PTPRK: variants seen among roughly 807,000 people sequenced by gnomAD.
The protein encoded by PTPRK is receptor-type tyrosine-protein phosphatase kappa.
PTPRK carries 75 observed loss-of-function variants against 178.0 expected under a neutral mutation model. That is an observed-to-expected ratio of 0.42 (90% CI 0.35 to 0.51). The LOEUF is 0.51. Ranked by LOEUF, PTPRK falls within the 20% of genes least tolerant of loss-of-function variation. The pLI, the probability that PTPRK is intolerant of heterozygous loss-of-function variation, is 0.02. For missense variants in PTPRK, 1,441 were observed against 1,797.8 expected (o/e 0.80, Z 3.59); for synonymous variants, 637 against 620.6 (o/e 1.03, Z -0.39).
In PTPRK at chr6:128,235,327, A is replaced by C. The variant is rs1335479782; in HGVS notation, c.693+4708T>G. 3.2e-5 allele frequency: 5 copies of C among 158,370 alleles called. No homozygotes were observed. In the East Asian group the frequency reaches 9.4e-4, roughly 30 times the overall value. The allele number at this position is 158,370 out of a possible 1,614,324, so 9.8% of individuals were successfully genotyped here. On this transcript the variant is annotated intron_variant, in intron 5 of 29. Transcript: ENST00000368226. ...ATAACCAACATTTCTAACCTATAAA[A>C]GTGTACAATCTAATTTTTATTTTTC...
At chr6:128,329,339 A>C (rs551021547) in intron 2 of PTPRK, among the ~76,000 whole-genome samples, 1 of 152,026 alleles carries the variant, frequency 6.6e-6, no homozygotes, top group South Asian at 2.1e-4. Context: ...AGTACGAAGG[A>C]TATATTAGTC....
At chr6:128,107,099 C>T (rs1006509413) in intron 7 of PTPRK, among the ~76,000 whole-genome samples, 8 of 152,030 alleles carry the variant, frequency 5.3e-5, no homozygotes, top group African/African-American at 1.9e-4. Context: ...CTAATACATT[C>T]TGATAAATAA....
intron 1 of PTPRK, among the ~76,000 whole-genome samples, chr6:128,403,299 C>G (rs758341572): frequency 6.6e-6 from 1 of 152,200 alleles, no homozygotes; most frequent in Non-Finnish European, 1.5e-5. Flanking sequence ...AGTTCCACCC[C>G]CTTCATCTTT....
chr6:128,430,049 T>C (rs1046916889), intron 1 of PTPRK, among the ~76,000 whole-genome samples: 3 of 152,206 alleles, frequency 2.0e-5, no homozygotes, highest in Non-Finnish European at 2.9e-5. Context: ...GTGGGAATAA[T>C]AGAATCACCT....
chr6:127,989,172 T>G (rs957953578), intron 21 of PTPRK, among the ~76,000 whole-genome samples: 7 of 152,106 alleles, frequency 4.6e-5, no homozygotes, highest in African/African-American at 1.2e-4. Flanking sequence ...TCATCATTGA[T>G]TTTTACAAGA....
intron 7 of PTPRK, among the ~76,000 whole-genome samples, chr6:128,159,851 G>T (rs1562698283): frequency 6.6e-6 from 1 of 151,612 alleles, no homozygotes; most frequent in Non-Finnish European, 1.5e-5. Context: ...TGTCAAAACA[G>T]AGAGGAATAC....
intron 5 of PTPRK, among the ~76,000 whole-genome samples, chr6:128,224,904 G>A (rs1265043768): frequency 6.6e-6 from 1 of 152,174 alleles, no homozygotes; most frequent in Non-Finnish European, 1.5e-5. Context: ...AGAGACAGAG[G>A]AAGTTACTTA....
intron 25 of PTPRK, 92 bp from the exon 26 acceptor site, chr6:127,977,146 A>C: frequency 1.5e-6 from 2 of 1,296,498 alleles, no homozygotes; most frequent in African/African-American, 2.9e-5. Flanking sequence ...ATGTAGGACC[A>C]GTAAGATGCA....
intron 3 of PTPRK, among the ~76,000 whole-genome samples, chr6:128,263,745 C>G (rs1818520131): frequency 6.6e-6 from 1 of 152,086 alleles, no homozygotes; most frequent in Non-Finnish European, 1.5e-5. Context: ...TCTGTACAAG[C>G]CGCTCTTGCA....
intron 2 of PTPRK, among the ~76,000 whole-genome samples, chr6:128,373,241 C>T (rs1017101544): frequency 2.6e-5 from 4 of 152,122 alleles, no homozygotes; most frequent in African/African-American, 9.7e-5. Context: ...TGCAAAGCTG[C>T]GTTAGTTCAC....
At chr6:128,070,817 T>C (rs989510136) in intron 11 of PTPRK, among the ~76,000 whole-genome samples, 1 of 151,714 alleles carries the variant, frequency 6.6e-6, no homozygotes, top group Non-Finnish European at 1.5e-5. Flanking sequence ...ACGCCCATTA[T>C]CCTATTTGAA....
chr6:128,381,002 AT>A (rs201506363), intron 2 of PTPRK, among the ~76,000 whole-genome samples: 1 of 151,734 alleles, frequency 6.6e-6, no homozygotes, highest in Non-Finnish European at 1.5e-5. Context: ...TTTTAAACCC[AT>A]TTTTTTTCAA....
intron 2 of PTPRK, among the ~76,000 whole-genome samples, chr6:128,352,284 T>C (rs1385730794): frequency 6.7e-6 from 1 of 148,478 alleles, no homozygotes; most frequent in Admixed American, 6.7e-5. Context: ...AATATTCCAT[T>C]AGTAAAAATC....
chr6:127,984,119 G>A (rs1775673018), intron 22 of PTPRK, among the ~76,000 whole-genome samples: 1 of 151,748 alleles, frequency 6.6e-6, no homozygotes, highest in Non-Finnish European at 1.5e-5. Context: ...TCTTTAATTG[G>A]CAAATAATAA....
intron 3 of PTPRK, among the ~76,000 whole-genome samples, chr6:128,252,971 T>C (rs922480151): frequency 6.6e-5 from 10 of 152,150 alleles, no homozygotes. Flanking sequence ...CTTTCCATAA[T>C]TCCTTTTACA....
rs151302294 is a variant in PTPRK, at chr6:128,317,490, T to G, written c.495+4549A>C. 8.9e-3 allele frequency among the ~76,000 whole-genome samples: 1,351 copies of G among 152,216 alleles called. 19 individuals carry two copies. The highest frequency in any genetic ancestry group is 0.035 in the Admixed American group (532 of 15,286). On this transcript the variant is annotated intron_variant, in intron 3 of 29. Transcript: ENST00000368226. ...ATTGGTAGATATATATTTTTTTAAA[T>G]TCTGCCACGTGTCTCATATGTGCCA...
intron 3 of PTPRK, among the ~76,000 whole-genome samples, chr6:128,274,659 T>G (rs1820430077): frequency 6.6e-6 from 1 of 152,076 alleles, no homozygotes; most frequent in Non-Finnish European, 1.5e-5. Flanking sequence ...CTTAAAAGTA[T>G]TTTTACTCTG....
intron 7 of PTPRK, among the ~76,000 whole-genome samples, chr6:128,117,828 T>G (rs1408761817): frequency 6.6e-6 from 1 of 152,070 alleles, no homozygotes; most frequent in African/African-American, 2.4e-5. Flanking sequence ...AAGTTTTGAA[T>G]TTTTAGTAGA....
At chr6:128,349,173 T>C (rs1832796845) in intron 2 of PTPRK, among the ~76,000 whole-genome samples, 1 of 152,198 alleles carries the variant, frequency 6.6e-6, no homozygotes, top group African/African-American at 2.4e-5. Context: ...ACTGTCAACC[T>C]AGAGCAATGG....
Sources: allele counts gnomAD v4.1 joint callset (sites outside exome capture counted in the v4.1 genomes callset), GRCh38; gene constraint gnomAD v4.1.1; transcripts MANE v1.5; gene names NCBI Gene and HGNC (gene_info 2026-07-23, HGNC 2026-07-21).